ASIC2: variants seen among roughly 807,000 people sequenced by gnomAD.
The protein encoded by ASIC2 is acid sensing ion channel subunit 2.
Under a neutral mutation model 57.3 loss-of-function variants are expected in ASIC2, and 25 were observed. That is an observed-to-expected ratio of 0.44 (90% confidence interval 0.32 to 0.61). The LOEUF is 0.61. Ranked by LOEUF, ASIC2 falls within the 20% of genes least tolerant of loss-of-function variation. ASIC2 has a pLI of 0.06. For synonymous variants in ASIC2, 319 were observed against 307.5 expected (o/e 1.04, Z -0.39); for missense variants, 641 against 738.1 (o/e 0.87, Z 1.52).
At chr17:33,298,534 T>C (rs1282201928) in intron 1 of ASIC2, among the ~76,000 whole-genome samples, 1 of 152,234 alleles carries the variant, frequency 6.6e-6, no homozygotes, top group African/African-American at 2.4e-5. Context: ...TCTTTGCTCT[T>C]GTGAATAGTG....
intron 1 of ASIC2, among the ~76,000 whole-genome samples, chr17:33,663,995 C>T (rs1907387192): frequency 1.3e-5 from 2 of 152,172 alleles, no homozygotes; most frequent in Admixed American, 1.3e-4. Flanking sequence ...CCTGACCTTT[C>T]AGCCTGTCTT....
chr17:33,713,136 A>T (rs971996564), intron 1 of ASIC2, among the ~76,000 whole-genome samples: 4 of 152,240 alleles, frequency 2.6e-5, no homozygotes, highest in African/African-American at 9.6e-5. Flanking sequence ...TATTAGGAAC[A>T]GGTCACTAGG....
At chr17:33,732,950 T>A (rs1230346642) in intron 1 of ASIC2, among the ~76,000 whole-genome samples, 2 of 152,166 alleles carry the variant, frequency 1.3e-5, no homozygotes, top group African/African-American at 4.8e-5. Flanking sequence ...CTAATGTCAA[T>A]GTTGATGTTT....
At chr17:33,136,918 C>A (rs1442020318) in intron 1 of ASIC2, among the ~76,000 whole-genome samples, 4 of 152,210 alleles carry the variant, frequency 2.6e-5, no homozygotes, top group Non-Finnish European at 5.9e-5. Context: ...ACCAGCTGTA[C>A]AACCTTGGGC....
At chr17:33,584,044 A>G (rs1904533263) in intron 1 of ASIC2, among the ~76,000 whole-genome samples, 1 of 150,890 alleles carries the variant, frequency 6.6e-6, no homozygotes, top group Non-Finnish European at 1.5e-5. Context: ...CTAGCCTTGA[A>G]CTCTTGGCAC....
At chr17:33,794,942 G>A (rs1242338265) in intron 1 of ASIC2, among the ~76,000 whole-genome samples, 1 of 152,150 alleles carries the variant, frequency 6.6e-6, no homozygotes. Flanking sequence ...TGGGCCCTCT[G>A]AGACCCCTTA....
At chr17:33,038,781 G>A (rs2091919348) in intron 3 of ASIC2, among the ~76,000 whole-genome samples, 1 of 152,204 alleles carries the variant, frequency 6.6e-6, no homozygotes, top group African/African-American at 2.4e-5. Flanking sequence ...CCTGCCTGGG[G>A]ACATCCTTAT....
chr17:33,601,758 G>A (rs1000088440), intron 1 of ASIC2, among the ~76,000 whole-genome samples: 1 of 152,194 alleles, frequency 6.6e-6, no homozygotes, highest in Non-Finnish European at 1.5e-5. Flanking sequence ...TGAGTGGATT[G>A]AGCCTAGCAC....
chr17:34,006,771 A>C (rs1025607679), intron 1 of ASIC2: 2 of 152,178 alleles, frequency 1.3e-5, no homozygotes, highest in African/African-American at 4.8e-5. Flanking sequence ...TGGAGAGGGC[A>C]GATTTACACT....
At chr17:33,297,943 C>T (rs1905787395), upstream of ASIC2, among the ~76,000 whole-genome samples, 1 of 141,474 alleles carries the variant, frequency 7.1e-6, no homozygotes, top group African/African-American at 2.7e-5. Context: ...TCTCTTTTTT[C>T]CCCTTTCTCT....
At chr17:34,141,013 T>C (rs969911936) in intron 1 of ASIC2, among the ~76,000 whole-genome samples, 3 of 152,170 alleles carry the variant, frequency 2.0e-5, no homozygotes, top group Non-Finnish European at 2.9e-5. Flanking sequence ...CAAATAGATA[T>C]TGCATGCCTC....
At chr17:33,537,892 AT>A in intron 1 of ASIC2, among the ~76,000 whole-genome samples, 1 of 152,334 alleles carries the variant, frequency 6.6e-6, no homozygotes, top group East Asian at 1.9e-4. Context: ...ATCTAGATAG[AT>A]TTAGCCTAAA....
At chr17:33,058,470 CAA>C (rs10612611) in intron 3 of ASIC2, among the ~76,000 whole-genome samples, 3,985 of 109,718 alleles carry the variant, frequency 0.036, 74 homozygotes, top group African/African-American at 0.084. Context: ...TCTGAGAAGT[CAA>C]AAAAAAAAAA....
chr17:34,145,888 A>G (rs1425233976), intron 1 of ASIC2, among the ~76,000 whole-genome samples: 1 of 152,184 alleles, frequency 6.6e-6, no homozygotes, highest in East Asian at 1.9e-4. Context: ...CCTCCTCTTC[A>G]TGGCTTGAAG....
chr17:33,541,494 A>T lies in ASIC2; in HGVS notation c.556-429427T>A, dbSNP rs574865782. ...AACAAACATCTAACTCTGCCCACTC[A>T]TTTTACCACTGGGGCGAACGAGGTT... On this transcript the variant is annotated intron_variant, in intron 1 of 9. Transcript: ENST00000359872. Among the ~76,000 whole-genome samples, 3 of 152,244 alleles carry T rather than the reference A, an allele frequency of 2.0e-5. No individual in the cohort carries two copies. The East Asian group carries it at 5.8e-4, about 29-fold the overall frequency.
chr17:33,137,313 G>A (rs1438459333), intron 1 of ASIC2, among the ~76,000 whole-genome samples: 1 of 152,230 alleles, frequency 6.6e-6, no homozygotes, highest in Non-Finnish European at 1.5e-5. Context: ...GCTTTATTAT[G>A]CCAATGTGCA....
chr17:33,681,075 C>T (rs1907987296), intron 1 of ASIC2, among the ~76,000 whole-genome samples: 1 of 152,192 alleles, frequency 6.6e-6, no homozygotes, highest in Non-Finnish European at 1.5e-5. Flanking sequence ...GGTCCCGATC[C>T]ACAATGATAA....
chr17:33,965,161 T>C (rs755798973), intron 1 of ASIC2, among the ~76,000 whole-genome samples: 1 of 152,200 alleles, frequency 6.6e-6, no homozygotes, highest in Non-Finnish European at 1.5e-5. Context: ...AACATGTCCA[T>C]GTACTAGCTA....
At chr17:34,039,704 G>T (rs1908031749) in intron 1 of ASIC2, 2 of 1,612,208 alleles carry the variant, frequency 1.2e-6, no homozygotes, top group South Asian at 2.2e-5. Flanking sequence ...TGGTCATTCT[G>T]CTTTTTCTTG....
Sources: allele counts gnomAD v4.1 joint callset (sites outside exome capture counted in the v4.1 genomes callset), GRCh38; gene constraint gnomAD v4.1.1; transcripts MANE v1.5; gene names NCBI Gene and HGNC (gene_info 2026-07-23, HGNC 2026-07-21).